The following SH3D19 variants were observed in gnomAD, a reference collection of about 807,000 sequenced individuals.
SH3D19 encodes SH3 domain containing 19.
In SH3D19, 58 loss-of-function variants were observed where a neutral mutation model predicts 112.1. The ratio of observed to expected loss-of-function variants is 0.52; its 90% CI spans 0.42 to 0.64. The LOEUF is 0.64. SH3D19 is among the 30% of genes least tolerant of loss of function. SH3D19 has a pLI of 0.00. For missense variants in SH3D19, 1,090 were observed against 1,263.4 expected (o/e 0.86, Z 2.08); for synonymous variants, 391 against 448.5 (o/e 0.87, Z 1.62).
chr4:151,255,518 G>A (rs962094945), intron 1 of SH3D19, among the ~76,000 whole-genome samples: 4 of 151,746 alleles, frequency 2.6e-5, no homozygotes, highest in African/African-American at 7.3e-5. Context: ...TGGCGGCCGG[G>A]CGGAGACGCT....
chr4:151,135,196 G>C, intron 14 of SH3D19, 64 bp from the exon 15 acceptor site: 1 of 1,361,472 alleles, frequency 7.3e-7, no homozygotes, highest in Non-Finnish European at 1.0e-6. Flanking sequence ...ATAAATTTAA[G>C]GTTAAGTAAT....
chr4:151,282,271 A>G, intron 1 of SH3D19: 1 of 1,614,008 alleles, frequency 6.2e-7, no homozygotes, highest in South Asian at 1.1e-5. Flanking sequence ...ATACAACGGC[A>G]GACGTCGCCT....
intron 1 of SH3D19, among the ~76,000 whole-genome samples, chr4:151,302,712 G>A (rs1403324592): frequency 6.6e-6 from 1 of 152,186 alleles, no homozygotes; most frequent in South Asian, 2.1e-4. Context: ...TGAAGAATCT[G>A]AGAGATTAAA....
At chr4:151,148,815 G>A (rs1016387247) in intron 10 of SH3D19, among the ~76,000 whole-genome samples, 4 of 152,078 alleles carry the variant, frequency 2.6e-5, no homozygotes, top group Non-Finnish European at 2.9e-5. Flanking sequence ...CCAGATGGAC[G>A]GATCATGAGG....
At position 151,221,565 on chromosome 4, in the gene SH3D19, C is replaced by T. The variant is rs576860720; in HGVS notation, c.152+4482G>A. ...ACACAGATCCAATAATAGTCGTGGG[C>T]GAGCTTTTGAGAGTCAGGTTCTTCC... is the stretch of plus-strand genomic sequence containing the variant. On this transcript the variant is annotated intron_variant, in intron 2 of 19. Coordinates refer to ENST00000604030, the MANE Select transcript of SH3D19 (RefSeq NM_001378122.1). Among the ~76,000 whole-genome samples the T allele has an allele frequency of 2.1e-3, 321 of 152,272 alleles. 2 individuals carry two copies. Among genetic ancestry groups the T allele is most frequent in the African/African-American group, 7.5e-3 (310 of 41,560 alleles).
At chr4:151,185,138 C>G (rs112161393) in intron 3 of SH3D19, among the ~76,000 whole-genome samples, 9 of 145,174 alleles carry the variant, frequency 6.2e-5, no homozygotes, top group African/African-American at 2.3e-4. Context: ...TTGGGGGATC[C>G]ATGGGAAGTC....
intron 2 of SH3D19, among the ~76,000 whole-genome samples, chr4:151,194,647 C>T (rs1030484373): frequency 1.3e-5 from 2 of 151,632 alleles, no homozygotes; most frequent in Non-Finnish European, 2.9e-5. Context: ...AACTCCTGAC[C>T]TCAGGTGATC....
At chr4:151,310,341 T>C (rs1729328215) in intron 1 of SH3D19, among the ~76,000 whole-genome samples, 1 of 151,086 alleles carries the variant, frequency 6.6e-6, no homozygotes, top group African/African-American at 2.4e-5. Flanking sequence ...ACCACCACAC[T>C]CCAGCCTGGA....
At chr4:151,318,771 G>A (rs1480963024) in intron 1 of SH3D19, among the ~76,000 whole-genome samples, 1 of 152,190 alleles carries the variant, frequency 6.6e-6, no homozygotes, top group African/African-American at 2.4e-5. Context: ...AAGAATAGAA[G>A]CAGAGAGGTT....
intron 1 of SH3D19, among the ~76,000 whole-genome samples, chr4:151,240,199 G>A (rs1770448003): frequency 6.6e-6 from 1 of 151,936 alleles, no homozygotes; most frequent in Admixed American, 6.6e-5. Flanking sequence ...GAATCCAGGA[G>A]TTTGAGACCA....
intron 9 of SH3D19, among the ~76,000 whole-genome samples, chr4:151,154,759 A>G (rs570113828): frequency 1.3e-5 from 2 of 150,818 alleles, no homozygotes; most frequent in South Asian, 4.2e-4. Context: ...GTATAATACT[A>G]TTTCTTTTTT....
chr4:151,184,261 G>A (rs572403905), intron 3 of SH3D19, among the ~76,000 whole-genome samples: 3 of 152,228 alleles, frequency 2.0e-5, no homozygotes, highest in African/African-American at 4.8e-5. Context: ...AAGTCTTTCC[G>A]CTTGCCAGGG....
chr4:151,271,588 AC>A (rs1773228082), intron 1 of SH3D19, among the ~76,000 whole-genome samples: 1 of 152,164 alleles, frequency 6.6e-6, no homozygotes, highest in Non-Finnish European at 1.5e-5. Context: ...CAGGCTAGCT[AC>A]CCCACAACAA....
chr4:151,318,152 T>C (rs1299216032), intron 1 of SH3D19, among the ~76,000 whole-genome samples: 1 of 148,128 alleles, frequency 6.8e-6, no homozygotes, highest in African/African-American at 2.5e-5. Context: ...AAAAAAAAAA[T>C]TAGCCGGGCA....
At chr4:151,294,883 G>T (rs1775592796) in intron 1 of SH3D19, among the ~76,000 whole-genome samples, 1 of 152,206 alleles carries the variant, frequency 6.6e-6, no homozygotes, top group African/African-American at 2.4e-5. Context: ...CCTTAGGGTG[G>T]TCAGGGAAGG....
At chr4:151,237,577 CT>C (rs994065259) in intron 1 of SH3D19, among the ~76,000 whole-genome samples, 4 of 152,164 alleles carry the variant, frequency 2.6e-5, no homozygotes, top group African/African-American at 9.7e-5. Context: ...CCACAACAAA[CT>C]GACGTCTCTA....
At chr4:151,179,497 C>T (rs1760478083) in intron 3 of SH3D19, 100 bp from the exon 4 acceptor site, 2 of 525,728 alleles carry the variant, frequency 3.8e-6, no homozygotes, top group Non-Finnish European at 5.8e-6. Context: ...TTATACTTGA[C>T]ATCATATAGA....
rs370098536 is a variant in SH3D19 at position 151,279,825 on chromosome 4, G to A, written c.112+45416C>T. On this transcript the variant is annotated intron_variant, in intron 1 of 19. Coordinates refer to ENST00000604030, the MANE Select transcript of SH3D19 (RefSeq NM_001378122.1). ...TGGGCAACCTGTATACTCCAGCCGC[G>A]TTGTAGGTGGCCAGGATGCTGCTGC... 29 of 1,613,760 alleles carry A rather than the reference G, an allele frequency of 1.8e-5. No homozygotes were observed. The highest frequency in any genetic ancestry group is 3.3e-5 in the Admixed American group (2 of 59,990).
rs150432602 is a variant in SH3D19 at position 151,139,214 on chromosome 4, C to T, written c.2296+561G>A. Among the ~76,000 whole-genome samples, 1,053 of 151,842 alleles carry T rather than the reference C, an allele frequency of 6.9e-3. 13 individuals carry two copies. Among genetic ancestry groups the T allele is most frequent in the African/African-American group, 0.023 (949 of 41,370 alleles). ...TGTCCCTCGGGCCGGAGTGCAGTGG[C>T]GCGATCTCAGCTCACTGCAACCTCA... On this transcript the variant is annotated intron_variant, in intron 13 of 19. Transcript: ENST00000604030.
Sources: allele counts gnomAD v4.1 joint callset (sites outside exome capture counted in the v4.1 genomes callset), GRCh38; gene constraint gnomAD v4.1.1; transcripts MANE v1.5; gene names NCBI Gene and HGNC (gene_info 2026-07-23, HGNC 2026-07-21).